Variants in NPLOC4 observed in about 807,000 individuals in gnomAD.
The protein encoded by NPLOC4 is NPL4 homolog, ubiquitin recognition factor.
NPLOC4 carries 18 observed loss-of-function variants against 80.6 expected under a neutral mutation model. The ratio of observed to expected loss-of-function variants is 0.22; its 90% CI spans 0.15 to 0.33. NPLOC4 has a LOEUF of 0.33. Among genes scored for constraint, NPLOC4 ranks in the 10% least tolerant of loss-of-function variants. The pLI is 1.00. For synonymous variants in NPLOC4, 313 were observed against 301.5 expected, an observed-to-expected ratio of 1.04 and a Z score of -0.39; for missense variants, 540 against 786.1, an observed-to-expected ratio of 0.69 and a Z score of 3.74.
intron 9 of NPLOC4, among the ~76,000 whole-genome samples, chr17:81,598,132 T>G (rs2034970251): frequency 6.6e-5 from 10 of 152,108 alleles, no homozygotes; most frequent in Admixed American, 6.6e-4. Flanking sequence ...TGATGAATGT[T>G]TTCTGGCTTC....
intron 3 of NPLOC4, among the ~76,000 whole-genome samples, chr17:81,621,402 A>G (rs2035664082): frequency 1.3e-5 from 2 of 152,240 alleles, no homozygotes; most frequent in East Asian, 3.8e-4. Flanking sequence ...AAACAGGCTC[A>G]CAGCCAACTG....
chr17:81,636,694 G>C (rs1457119435), intron 1 of NPLOC4, among the ~76,000 whole-genome samples: 1 of 152,156 alleles, frequency 6.6e-6, no homozygotes, highest in Non-Finnish European at 1.5e-5. Context: ...CCAGGGCGGG[G>C]AACCGGGGTC....
intron 1 of NPLOC4, among the ~76,000 whole-genome samples, chr17:81,635,507 A>G (rs368707657): frequency 4.6e-5 from 7 of 152,094 alleles, no homozygotes; most frequent in Admixed American, 2.0e-4. Flanking sequence ...AGCCTTGCAA[A>G]TAAGTGCTAG....
intron 12 of NPLOC4, 102 bp downstream of exon 12, chr17:81,588,842 A>C: frequency 9.9e-7 from 1 of 1,005,242 alleles, no homozygotes; most frequent in Non-Finnish European, 1.5e-6. Context: ...ACCACAGCTG[A>C]CAAACGGCTG....
At chr17:81,581,616 C>T (rs2034443640) in intron 12 of NPLOC4, among the ~76,000 whole-genome samples, 1 of 152,154 alleles carries the variant, frequency 6.6e-6, no homozygotes, top group Non-Finnish European at 1.5e-5. Context: ...TCCTCACTCC[C>T]CCACAACGAT....
intron 16 of NPLOC4, chr17:81,562,100 T>C (rs11150796): frequency 0.24 from 35,529 of 151,046 alleles, 4,447 homozygotes; most frequent in Middle Eastern, 0.31. Flanking sequence ...CAGGCGTGGG[T>C]GCACGCCTGT....
chr17:81,559,806 C>CA (rs1449934178), intron 16 of NPLOC4, among the ~76,000 whole-genome samples: 2 of 146,320 alleles, frequency 1.4e-5, no homozygotes, highest in Non-Finnish European at 3.0e-5. Context: ...GATCTCGGCT[C>CA]ACTGCAACCT....
chr17:81,620,217 G>C (rs1353911727), intron 3 of NPLOC4, among the ~76,000 whole-genome samples: 4 of 152,202 alleles, frequency 2.6e-5, no homozygotes, highest in African/African-American at 9.6e-5. Flanking sequence ...AGAATAAAGA[G>C]CCAGGCACGG....
chr17:81,614,707 T>C (rs1420899270), intron 3 of NPLOC4, among the ~76,000 whole-genome samples: 1 of 152,178 alleles, frequency 6.6e-6, no homozygotes, highest in Non-Finnish European at 1.5e-5. Flanking sequence ...GGTGCCAGGT[T>C]TGACTGGCAT....
At chr17:81,622,050 G>T in intron 3 of NPLOC4, 116 bp downstream of exon 3, 1 of 734,702 alleles carries the variant, frequency 1.4e-6, no homozygotes, top group Non-Finnish European at 2.4e-6. Flanking sequence ...CTGGTCAGTT[G>T]ATAAGACCAT....
intron 12 of NPLOC4, among the ~76,000 whole-genome samples, chr17:81,581,110 G>A (rs2034426324): frequency 6.6e-6 from 1 of 152,154 alleles, no homozygotes; most frequent in Non-Finnish European, 1.5e-5. Context: ...AGCACTCTGG[G>A]AGGCCAAGGC....
chr17:81,600,176 C>A (rs771276530), intron 9 of NPLOC4, among the ~76,000 whole-genome samples, 165 bp downstream of exon 9: 2 of 151,990 alleles, frequency 1.3e-5, no homozygotes, highest in Non-Finnish European at 2.9e-5. Flanking sequence ...TGGTGCCCAA[C>A]AAACATATGT....
chr17:81,634,392 G>A (rs573279919), intron 1 of NPLOC4, among the ~76,000 whole-genome samples: 1 of 151,846 alleles, frequency 6.6e-6, no homozygotes, highest in East Asian at 1.9e-4. Flanking sequence ...CACAATCTGA[G>A]ACATTCAACG....
At chr17:81,624,736 T>C (rs9889642) in intron 2 of NPLOC4, among the ~76,000 whole-genome samples, 83,000 of 152,080 alleles carry the variant, frequency 0.55, 23,789 homozygotes, top group East Asian at 0.77. Flanking sequence ...AGGCTAGAAG[T>C]CTCTCTGAAG....
chr17:81,578,318 CACTGTG>C (rs2144091523), intron 12 of NPLOC4, among the ~76,000 whole-genome samples: 1 of 152,220 alleles, frequency 6.6e-6, no homozygotes, highest in Admixed American at 6.5e-5. Context: ...CTAGTCTCAG[CACTGTG>C]AATGGCCACC....
At chr17:81,603,198 C>T (rs1258625245) in intron 8 of NPLOC4, among the ~76,000 whole-genome samples, 1 of 151,952 alleles carries the variant, frequency 6.6e-6, no homozygotes, top group African/African-American at 2.4e-5. Context: ...GTTTTAAATT[C>T]TAGGGGCTAC....
chr17:81,598,703 A>G (rs919273333), intron 9 of NPLOC4, among the ~76,000 whole-genome samples: 7 of 152,074 alleles, frequency 4.6e-5, no homozygotes, highest in Admixed American at 3.3e-4. Flanking sequence ...CCTGCACCAG[A>G]AGCCCGTCAC....
chr17:81,626,327 A>AG (rs1259772608), intron 2 of NPLOC4, among the ~76,000 whole-genome samples: 1 of 151,744 alleles, frequency 6.6e-6, no homozygotes, highest in Admixed American at 6.6e-5. Flanking sequence ...AGAAAAAAAA[A>AG]AAAGAAAAGA....
intron 11 of NPLOC4, among the ~76,000 whole-genome samples, chr17:81,595,294 C>T (rs754081481): frequency 1.5e-4 from 23 of 151,584 alleles, no homozygotes; most frequent in Non-Finnish European, 3.1e-4. Context: ...ATTAGCCAGG[C>T]GTGGTGGTGT....
Sources: gnomAD v4.1 joint callset for allele counts (sites outside exome capture counted in the v4.1 genomes callset) on GRCh38, gnomAD v4.1.1 for gene constraint, MANE v1.5 for transcripts, NCBI Gene and HGNC (gene_info 2026-07-23, HGNC 2026-07-21) for gene names.